The following RHOQ variants were observed in gnomAD, a reference collection of about 807,000 sequenced individuals.
The protein encoded by RHOQ is rho-related GTP-binding protein RhoQ.
Under a neutral mutation model 25.8 loss-of-function variants are expected in RHOQ, and 7 were observed. The ratio of observed to expected loss-of-function variants is 0.27; its 90% CI spans 0.15 to 0.51. RHOQ has a LOEUF of 0.51. RHOQ is among the 20% of genes least tolerant of loss of function. The probability of loss-of-function intolerance (pLI) is 0.97; values close to 1 mark genes in which losing one functional copy is unlikely to be tolerated. For synonymous variants in RHOQ, 97 were observed against 98.6 expected (o/e 0.98, Z 0.10); for missense variants, 165 against 260.6 (o/e 0.63, Z 2.53).
intron 2 of RHOQ, among the ~76,000 whole-genome samples, chr2:46,559,767 G>C (rs922916810): frequency 1.3e-5 from 2 of 152,202 alleles, no homozygotes; most frequent in African/African-American, 4.8e-5. Context: ...TTTTATTGGG[G>C]AACCTGTAGG....
In RHOQ at chr2:46,566,418, A is replaced by G. The variant is rs1268993833; in HGVS notation, c.202-9669A>G. On this transcript the variant is annotated intron_variant, in intron 2 of 4. Transcript: ENST00000238738. This position sits in a 1 kb window ranked among gnomAD's most constrained non-coding sequence, Gnocchi z 4.2. ...ACCCTCAGTTTTCTTCATCCCTCTAAAAGATGCCATATCATCTAGATATAT... is the reference window on the plus strand; with the variant it reads ...ACCCTCAGTTTTCTTCATCCCTCTAGAAGATGCCATATCATCTAGATATAT... Among the ~76,000 whole-genome samples, 1 of 152,028 alleles carries G rather than the reference A, an allele frequency of 6.6e-6. No individual in the cohort carries two copies. Among genetic ancestry groups the G allele is most frequent in the African/African-American group, 2.4e-5 (1 of 41,370 alleles).
At position 46,576,526 on chromosome 2, in the gene RHOQ, A is replaced by C; in HGVS notation, c.367-35A>C. The C allele has an allele frequency of 7.9e-7, 1 of 1,272,468 alleles. No homozygotes were observed. Among genetic ancestry groups the C allele is most frequent in the Non-Finnish European group, 1.1e-6 (1 of 897,846 alleles). 78.8% of individuals were successfully genotyped at this position (1,272,468 alleles called of 1,614,324 possible). On this transcript the variant is annotated intron_variant, in intron 3 of 4. Coordinates refer to ENST00000238738, the MANE Select transcript of RHOQ (RefSeq NM_012249.4). The surrounding 1 kb of genome is among the most constrained non-coding windows in gnomAD (Gnocchi z 5.1). ...CTTTGATTTTTCTTTAAAGATTTGT[A>C]ATATTATGGGACATTATTGACCTTT...
At chr2:46,568,586 T>C (rs1342790361) in intron 2 of RHOQ, 2 of 152,226 alleles carry the variant, frequency 1.3e-5, no homozygotes, top group Non-Finnish European at 2.9e-5. Context: ...TATGAATGTC[T>C]AGCAGTACAC....
At chr2:46,551,134 T>C (rs113724098) in intron 2 of RHOQ, among the ~76,000 whole-genome samples, 1 of 152,216 alleles carries the variant, frequency 6.6e-6, no homozygotes, top group Non-Finnish European at 1.5e-5. Flanking sequence ...TGTTTCCTTA[T>C]CTGTCAGATG....
chr2:46,577,394 G>GCC (rs1669165761), intron 4 of RHOQ, among the ~76,000 whole-genome samples: 1 of 139,456 alleles, frequency 7.2e-6, no homozygotes, highest in African/African-American at 2.8e-5. Flanking sequence ...TCCATATATG[G>GCC]TCTTTTTTTT....
At chr2:46,559,947 G>C (rs1430877640) in intron 2 of RHOQ, among the ~76,000 whole-genome samples, 1 of 152,194 alleles carries the variant, frequency 6.6e-6, no homozygotes, top group Non-Finnish European at 1.5e-5. Flanking sequence ...ACTGGGCCTG[G>C]TGTCTCCCAT....
chr2:46,543,218 C>T, intron 1 of RHOQ, 30 bp downstream of exon 1: 1 of 1,609,364 alleles, frequency 6.2e-7, no homozygotes, highest in Non-Finnish European at 8.5e-7. Flanking sequence ...ACTAAGGGGC[C>T]GCTCCCCGGG....
At position 46,555,406 on chromosome 2, in the gene RHOQ, C is replaced by G. The variant is rs565754233; in HGVS notation, c.201+11594C>G. 7.5e-4 allele frequency among the ~76,000 whole-genome samples: 114 copies of G among 152,326 alleles called. 1 individual carries two copies. The highest frequency in any genetic ancestry group is 2.7e-3 in the African/African-American group (111 of 41,568). ...CAAGTGTTGGGGGCCCCAGTAGGAA[C>G]TAGGTGTGTGTTAAATTTAGGGGAG... On this transcript the variant is annotated intron_variant, in intron 2 of 4. Transcript: ENST00000238738. The surrounding 1 kb of genome is among the most constrained non-coding windows in gnomAD (Gnocchi z 4.3).
rs1000311877 is a variant in RHOQ at position 46,569,970 on chromosome 2, C to G, written c.202-6117C>G. Among the ~76,000 whole-genome samples the G allele has an allele frequency of 1.3e-5, 2 of 152,170 alleles. No individual in the cohort carries two copies. Among genetic ancestry groups the G allele is most frequent in the African/African-American group, 4.8e-5 (2 of 41,442 alleles). ...GGTAGTAGGAAGTGGTAGGCAAATT[C>G]AGTAAACTCATCACTGGTGAGTTTT... On this transcript the variant is annotated intron_variant, in intron 2 of 4. Coordinates refer to ENST00000238738, the MANE Select transcript of RHOQ (RefSeq NM_012249.4). This position sits in a 1 kb window ranked among gnomAD's most constrained non-coding sequence, Gnocchi z 4.1.
rs1329822862 is a variant in RHOQ at position 46,552,302 on chromosome 2, C to T, written c.201+8490C>T. The stretch of plus-strand genomic sequence containing the variant: ...CGAGGTGGCGCTGATGGCCCCATTG[C>T]TCAAGTACGTGTGGAAGAAGCTCAT... On this transcript the variant is annotated intron_variant, in intron 2 of 4. Coordinates refer to ENST00000238738, the MANE Select transcript of RHOQ (RefSeq NM_012249.4). This position sits in a 1 kb window ranked among gnomAD's most constrained non-coding sequence, Gnocchi z 5.0. Among the ~76,000 whole-genome samples the T allele has an allele frequency of 1.3e-5, 2 of 152,208 alleles. No individual in the cohort carries two copies. Among genetic ancestry groups the T allele is most frequent in the Non-Finnish European group, 2.9e-5 (2 of 68,046 alleles).
intron 2 of RHOQ, chr2:46,568,989 G>A (rs1668826203): frequency 6.6e-6 from 1 of 152,214 alleles, no homozygotes; most frequent in African/African-American, 2.4e-5. Flanking sequence ...TAGGCCAGCT[G>A]ACCTCTGTTT....
Position 46,582,720 on chromosome 2 carries a change from T to A in RHOQ, c.*1637T>A, listed in dbSNP as rs1669440914. ...CAGATTGGGTAATGGAACACTAAAC[T>A]TTTATACTTGAAAATGACAGCCTTA... is the stretch of plus-strand genomic sequence containing the variant. On this transcript the variant is annotated 3_prime_UTR_variant, in exon 5 of 5. Coordinates refer to ENST00000238738, the MANE Select transcript of RHOQ (RefSeq NM_012249.4). 2 of 152,652 alleles carry A rather than the reference T, an allele frequency of 1.3e-5. No individual in the cohort carries two copies. The allele number at this position is 152,652 out of a possible 1,614,324, so 9.5% of individuals were successfully genotyped here.
At chr2:46,577,008 G>T (rs1430374032) in intron 4 of RHOQ, 1 of 175,992 alleles carries the variant, frequency 5.7e-6, no homozygotes, top group Admixed American at 6.1e-5. Context: ...GGAAACACGT[G>T]TCACTACTTT....
In RHOQ at chr2:46,552,531, C is replaced by T. The variant is rs1320098472; in HGVS notation, c.201+8719C>T. ...ACCTCTGCAAAACTGTTTGTCCCTC[C>T]TTCATCTGAATATTCTCTAAATATG... On this transcript the variant is annotated intron_variant, in intron 2 of 4. Transcript: ENST00000238738. The surrounding 1 kb of genome is among the most constrained non-coding windows in gnomAD (Gnocchi z 5.0). Among the ~76,000 whole-genome samples the T allele has an allele frequency of 6.6e-6, 1 of 152,240 alleles. No homozygotes were observed. The highest frequency in any genetic ancestry group is 1.5e-5 in the Non-Finnish European group (1 of 68,052).
chr2:46,576,770 A>G lies in RHOQ; in HGVS notation c.462+114A>G, dbSNP rs1669142729. 1.6e-6 allele frequency: 1 copy of G among 644,742 alleles called. No individual in the cohort carries two copies. Among genetic ancestry groups the G allele is most frequent in the Non-Finnish European group, 2.7e-6 (1 of 374,950 alleles). 39.9% of individuals were successfully genotyped at this position (644,742 alleles called of 1,614,324 possible). On this transcript the variant is annotated intron_variant, in intron 4 of 4. Coordinates refer to ENST00000238738, the MANE Select transcript of RHOQ (RefSeq NM_012249.4). This position sits in a 1 kb window ranked among gnomAD's most constrained non-coding sequence, Gnocchi z 5.1. ...CCAGGTGGAGTGCTTTACATGCATT[A>G]TCTCATTTAATCCTTGCATGAACTC...
At chr2:46,575,098 G>A (rs1669067352) in intron 2 of RHOQ, among the ~76,000 whole-genome samples, 1 of 152,156 alleles carries the variant, frequency 6.6e-6, no homozygotes, top group African/African-American at 2.4e-5. Flanking sequence ...TTGTGATAGA[G>A]ACTAAAATAA....
chr2:46,562,035 A>G (rs762953847), intron 2 of RHOQ, among the ~76,000 whole-genome samples: 2 of 151,972 alleles, frequency 1.3e-5, no homozygotes, highest in Non-Finnish European at 2.9e-5. Context: ...ACACGATTTG[A>G]TTTTCCAGGC....
chr2:46,560,122 G>A (rs150495204), intron 2 of RHOQ, among the ~76,000 whole-genome samples: 5 of 152,308 alleles, frequency 3.3e-5, no homozygotes, highest in Non-Finnish European at 4.4e-5. Flanking sequence ...AGAAGCAGGC[G>A]CTCTTCTGGT....
At chr2:46,558,770 A>G (rs537630311) in intron 2 of RHOQ, among the ~76,000 whole-genome samples, 4 of 152,232 alleles carry the variant, frequency 2.6e-5, no homozygotes, top group Non-Finnish European at 4.4e-5. Context: ...TGCTGGAATG[A>G]TCCTCTAATT....
Sources: gnomAD v4.1 joint callset for allele counts (sites outside exome capture counted in the v4.1 genomes callset) on GRCh38, gnomAD v4.1.1 for gene constraint, Gnocchi (gnomAD v3.1) non-coding constraint, MANE v1.5 for transcripts, NCBI Gene and HGNC (gene_info 2026-07-23, HGNC 2026-07-21) for gene names.